Variants in DIS3L observed in about 807,000 individuals in gnomAD.
DIS3L encodes DIS3-like exonuclease 1.
DIS3L carries 100 observed loss-of-function variants against 120.3 expected under a neutral mutation model. That is an observed-to-expected ratio of 0.83 (90% CI 0.71 to 0.98). The LOEUF (loss-of-function observed/expected upper bound fraction) is 0.98. DIS3L is among the 50% of genes least tolerant of loss of function. DIS3L has a pLI of 0.00. For synonymous variants in DIS3L, 426 were observed against 470.6 expected (o/e 0.91, Z 1.23); for missense variants, 1,196 against 1,314.2 (o/e 0.91, Z 1.39).
intron 2 of DIS3L, among the ~76,000 whole-genome samples, chr15:66,295,670 C>T (rs1393213723): frequency 6.6e-6 from 1 of 152,116 alleles, no homozygotes; most frequent in Admixed American, 6.5e-5. Context: ...ATTTGCTAAA[C>T]AAAGGCTTTC....
At chr15:66,293,784 C>T in intron 1 of DIS3L, 49 bp downstream of exon 1, 1 of 1,138,780 alleles carries the variant, frequency 8.8e-7, no homozygotes, top group Non-Finnish European at 1.1e-6. Flanking sequence ...AGCGGGCGGC[C>T]GCAGTGAGGG....
rs760905934 is a variant in DIS3L at position 66,315,154 on chromosome 15, G to C, written c.933G>C (p.Leu311=). The change falls in exon 7 of 17, where the codon CTG becomes CTC. Residue 311 remains leucine (L), a synonymous_variant. Coordinates refer to ENST00000319212, the MANE Select transcript of DIS3L (RefSeq NM_001143688.3). ...KNEWKGRTVA[L]CENDCDDKAS... Reference sequence around the variant, plus strand: ...AATGGAAAGGAAGAACCGTAGCCCTGTGTGAGAATGACTGTGACGACAAGG... The same window carrying C: ...AATGGAAAGGAAGAACCGTAGCCCTCTGTGAGAATGACTGTGACGACAAGG... The C allele has an allele frequency of 6.2e-7, 1 of 1,613,970 alleles. No individual in the cohort carries two copies. The highest frequency in any genetic ancestry group is 8.5e-7 in the Non-Finnish European group (1 of 1,179,990).
chr15:66,295,184 C>T (rs781337568), intron 2 of DIS3L, 43 bp downstream of exon 2: 5 of 1,572,786 alleles, frequency 3.2e-6, no homozygotes, highest in Non-Finnish European at 4.3e-6. Flanking sequence ...CATAGGTTCC[C>T]CCCACCTTAG....
At chr15:66,323,982 T>C (rs1414268308) in intron 11 of DIS3L, among the ~76,000 whole-genome samples, 1 of 152,216 alleles carries the variant, frequency 6.6e-6, no homozygotes, top group East Asian at 1.9e-4. Flanking sequence ...TTAAACTTTG[T>C]TTCTCTTTGA....
chr15:66,333,430 A>G lies in DIS3L; in HGVS notation c.*118A>G. The G allele has an allele frequency of 8.7e-7, 1 of 1,152,416 alleles. No individual in the cohort carries two copies. Among genetic ancestry groups the G allele is most frequent in the East Asian group, 2.5e-5 (1 of 39,982 alleles). The allele number at this position is 1,152,416 out of a possible 1,614,324, so 71.4% of individuals were successfully genotyped here. On this transcript the variant is annotated 3_prime_UTR_variant, in exon 17 of 17. Coordinates refer to ENST00000319212, the MANE Select transcript of DIS3L (RefSeq NM_001143688.3). ...GATCAGGACTGGGTAGCTATTTCGCATATATGTAAAATGTTCTCAGCCGGG... is the reference window on the plus strand; with the variant it reads ...GATCAGGACTGGGTAGCTATTTCGCGTATATGTAAAATGTTCTCAGCCGGG...
intron 7 of DIS3L, among the ~76,000 whole-genome samples, chr15:66,317,344 GGAAA>G (rs1320812851): frequency 2.5e-5 from 2 of 79,078 alleles, no homozygotes; most frequent in Admixed American, 1.4e-4. Context: ...AATATTTGTG[GGAAA>G]AAAAAAAAAA....
chr15:66,332,706 C>T, intron 15 of DIS3L, 30 bp from the exon 16 acceptor site: 1 of 1,567,208 alleles, frequency 6.4e-7, no homozygotes, highest in Non-Finnish European at 8.7e-7. Flanking sequence ...AATACATTGT[C>T]TCTGGATTTA....
At chr15:66,322,002 G>A (rs1022177760) in intron 9 of DIS3L, among the ~76,000 whole-genome samples, 3 of 152,090 alleles carry the variant, frequency 2.0e-5, no homozygotes, top group Admixed American at 6.5e-5. Flanking sequence ...TTCACAGAAC[G>A]GGAGCTATCA....
rs372046086 is a variant in DIS3L at position 66,332,726 on chromosome 15, C to T, written c.2682-10C>T. On this transcript the variant is annotated splice_polypyrimidine_tract_variant and intron_variant, in intron 15 of 16. Transcript: ENST00000319212. ...ATTGTCTCTGGATTTATATTCTGGT[C>T]ATAATATAGGTTTGGGATTAAAGGT... 2.2e-5 allele frequency: 35 copies of T among 1,601,414 alleles called. No individual in the cohort carries two copies. The highest frequency in any genetic ancestry group is 2.9e-5 in the Non-Finnish European group (34 of 1,173,576).
Position 66,329,137 on chromosome 15 carries a change from A to G in DIS3L, c.2356+13A>G. The G allele has an allele frequency of 6.2e-7, 1 of 1,605,136 alleles. No individual in the cohort carries two copies. The highest frequency in any genetic ancestry group is 8.5e-7 in the Non-Finnish European group (1 of 1,176,038). ...TTCCATCATTACGGTGAATCATACC[A>G]TATTCCTATGTGTGGCTGTAACTTT... On this transcript the variant is annotated intron_variant, in intron 13 of 16. Transcript: ENST00000319212.
At chr15:66,309,094 A>AAAAAAAAAAT in intron 4 of DIS3L, among the ~76,000 whole-genome samples, 2 of 15,320 alleles carry the variant, frequency 1.3e-4, no homozygotes, top group African/African-American at 2.0e-4. Context: ...AAAAAAAAAA[A>AAAAAAAAAAT]ATATATATAT....
intron 9 of DIS3L, 33 bp from the exon 10 acceptor site, chr15:66,322,654 C>A: frequency 6.2e-7 from 1 of 1,608,190 alleles, no homozygotes; most frequent in South Asian, 1.1e-5. Flanking sequence ...ATTTGTGGTG[C>A]ATGAATTGCT....
chr15:66,294,385 G>A, intron 1 of DIS3L: 1 of 985,636 alleles, frequency 1.0e-6, no homozygotes, highest in South Asian at 4.7e-5. Context: ...CCCATGGGAG[G>A]ATGAGAATGG....
At chr15:66,304,986 T>A (rs925099919) in intron 2 of DIS3L, among the ~76,000 whole-genome samples, 2 of 142,430 alleles carry the variant, frequency 1.4e-5, no homozygotes, top group Admixed American at 7.1e-5. Context: ...ACTAAGAAAA[T>A]AAAATCGATT....
rs544278631 is a variant in DIS3L at position 66,325,404 on chromosome 15, T to G, written c.1668-427T>G. ...GCAAGACTCCATCTCAAGAAAAAAA[T>G]GGAGGACATAAAGTAAGGTTTGTAA... On this transcript the variant is annotated intron_variant, in intron 11 of 16. Transcript: ENST00000319212. Among the ~76,000 whole-genome samples the G allele has an allele frequency of 6.6e-5, 10 of 152,092 alleles. No homozygotes were observed. In the South Asian group the frequency reaches 2.1e-3, roughly 32 times the overall value.
At chr15:66,318,349 A>G (rs1301129111) in intron 7 of DIS3L, 100 bp from the exon 8 acceptor site, 3 of 1,334,594 alleles carry the variant, frequency 2.2e-6, no homozygotes, top group African/African-American at 1.5e-5. Flanking sequence ...AAAATAGGAC[A>G]CTGTATTTCT....
At chr15:66,294,307 GCCCCAGT>G in intron 1 of DIS3L, 1 of 985,500 alleles carries the variant, frequency 1.0e-6, no homozygotes, top group Non-Finnish European at 1.2e-6. Flanking sequence ...GGACTCCTGG[GCCCCAGT>G]CCTTGGTTTC....
At chr15:66,317,360 A>AG (rs2092829616) in intron 7 of DIS3L, among the ~76,000 whole-genome samples, 1 of 151,632 alleles carries the variant, frequency 6.6e-6, no homozygotes. Context: ...AAAAAAAAAA[A>AG]AAGAAAAAAG....
At chr15:66,309,906 C>T (rs750591114) in intron 4 of DIS3L, among the ~76,000 whole-genome samples, 10 of 152,180 alleles carry the variant, frequency 6.6e-5, no homozygotes, top group Non-Finnish European at 1.3e-4. Flanking sequence ...CTGCTTAGTA[C>T]AGATCTCAGA....
Sources: allele counts gnomAD v4.1 joint callset (sites outside exome capture counted in the v4.1 genomes callset), GRCh38; gene constraint gnomAD v4.1.1; transcripts MANE v1.5; gene names NCBI Gene and HGNC (gene_info 2026-07-23, HGNC 2026-07-21).